YIPF1: variants seen among roughly 807,000 people sequenced by gnomAD.
The protein encoded by YIPF1 is protein YIPF1.
In YIPF1, 22 loss-of-function variants were observed where a neutral mutation model predicts 37.0. That is an observed-to-expected ratio of 0.59 (90% CI 0.42 to 0.85). YIPF1 has a LOEUF of 0.85. Among genes scored for constraint, YIPF1 ranks in the 40% least tolerant of loss-of-function variants. The probability of loss-of-function intolerance (pLI) is 0.00; values close to 1 mark genes in which losing one functional copy is unlikely to be tolerated. For synonymous variants in YIPF1, 128 were observed against 131.9 expected (o/e 0.97, Z 0.21); for missense variants, 355 against 373.1 (o/e 0.95, Z 0.40).
chr1:53,859,539 C>T (rs553528281), intron 10 of YIPF1, among the ~76,000 whole-genome samples: 1 of 152,232 alleles, frequency 6.6e-6, no homozygotes, highest in East Asian at 1.9e-4. Context: ...GTGGCACCCA[C>T]CTGTAATCCC....
At chr1:53,872,992 A>G (rs558084601) in intron 6 of YIPF1, among the ~76,000 whole-genome samples, 2 of 152,208 alleles carry the variant, frequency 1.3e-5, no homozygotes, top group African/African-American at 2.4e-5. Context: ...GAATGAATAA[A>G]TCTGACCATG....
chr1:53,883,386 C>A (rs1299650474), intron 3 of YIPF1, 110 bp from the exon 4 acceptor site: 2 of 1,221,866 alleles, frequency 1.6e-6, no homozygotes, highest in Non-Finnish European at 2.1e-6. Context: ...ATAGACCCTA[C>A]CTGATACAAA....
intron 2 of YIPF1, 119 bp downstream of exon 2, chr1:53,889,125 C>CAGGTATTATTAAATATTAA (rs1650735130): frequency 8.3e-6 from 4 of 479,140 alleles, no homozygotes; most frequent in Non-Finnish European, 1.5e-5. Flanking sequence ...AAGATAACCA[C>CAGGTATTATTAAATATTAA]TAAGCATCAG....
chr1:53,881,625 T>C (rs894909753), intron 4 of YIPF1, among the ~76,000 whole-genome samples: 9 of 152,088 alleles, frequency 5.9e-5, no homozygotes, highest in Non-Finnish European at 1.0e-4. Flanking sequence ...CTCAATATCT[T>C]GATTTGAGAA....
chr1:53,888,343 T>C (rs1352885869), intron 3 of YIPF1, among the ~76,000 whole-genome samples: 1 of 152,204 alleles, frequency 6.6e-6, no homozygotes, highest in Non-Finnish European at 1.5e-5. Flanking sequence ...AGTTTGTAGG[T>C]ATATATTTAA....
At chr1:53,860,983 C>A (rs980661573) in intron 9 of YIPF1, among the ~76,000 whole-genome samples, 2 of 152,142 alleles carry the variant, frequency 1.3e-5, no homozygotes, top group Non-Finnish European at 2.9e-5. Flanking sequence ...TTCATGATAC[C>A]CCCTTGGGGT....
At position 53,889,230 on chromosome 1, in the gene YIPF1, G is replaced by T. The variant is rs1650737615; in HGVS notation, c.-50+14C>A. Reference sequence around the variant, plus strand: ...ATTTGGTTGTGTATGTACCAGGAATGAATCTCAACTCACTGTGTGAATGTT... The same window carrying T: ...ATTTGGTTGTGTATGTACCAGGAATTAATCTCAACTCACTGTGTGAATGTT... On this transcript the variant is annotated intron_variant, in intron 2 of 10. Coordinates refer to ENST00000072644, the MANE Select transcript of YIPF1 (RefSeq NM_018982.5). The T allele has an allele frequency of 3.1e-6, 1 of 326,700 alleles. No homozygotes were observed. Among genetic ancestry groups the T allele is most frequent in the Non-Finnish European group, 5.8e-6 (1 of 172,536 alleles). 20.2% of individuals were successfully genotyped at this position (326,700 alleles called of 1,614,324 possible).
At chr1:53,853,395 T>C (rs1248316750) in intron 10 of YIPF1, among the ~76,000 whole-genome samples, 1 of 152,120 alleles carries the variant, frequency 6.6e-6, no homozygotes, top group Non-Finnish European at 1.5e-5. Context: ...GGGATGAGTA[T>C]AGCTTGGAAT....
At chr1:53,857,858 G>A (rs1377804810) in intron 10 of YIPF1, among the ~76,000 whole-genome samples, 1 of 151,830 alleles carries the variant, frequency 6.6e-6, no homozygotes, top group Non-Finnish European at 1.5e-5. Context: ...ACGGGCACCT[G>A]TAATCTCAGC....
intron 9 of YIPF1, among the ~76,000 whole-genome samples, chr1:53,864,889 T>C (rs1213980618): frequency 1.3e-5 from 2 of 152,172 alleles, no homozygotes; most frequent in Non-Finnish European, 2.9e-5. Flanking sequence ...TTTATTTGCC[T>C]CTCAGAACAA....
At chr1:53,872,402 T>C (rs1181723543) in intron 6 of YIPF1, among the ~76,000 whole-genome samples, 1 of 152,232 alleles carries the variant, frequency 6.6e-6, no homozygotes. Flanking sequence ...GGTGAGTCTA[T>C]CACAGCTACT....
At position 53,878,385 on chromosome 1, in the gene YIPF1, T is replaced by C; in HGVS notation, c.294A>G (p.Lys98=). The change falls in exon 6 of 11, where the codon AAA becomes AAG. Residue 98 remains lysine, a synonymous_variant. Coordinates refer to ENST00000072644, the MANE Select transcript of YIPF1 (RefSeq NM_018982.5). The part of the protein sequence containing the change: ...VDTYQVFDRI[K]GSLLPIPGKN... ...TCCCGGGTATTGGCAAAAGAGATCC[T>C]TTAATTCTGTCAAAGACCTGGAAAA... 1 of 1,614,142 alleles carries C rather than the reference T, an allele frequency of 6.2e-7. No homozygotes were observed. The highest frequency in any genetic ancestry group is 2.2e-5 in the East Asian group (1 of 44,874).
intron 3 of YIPF1, among the ~76,000 whole-genome samples, chr1:53,887,951 G>C (rs1650698342): frequency 6.6e-6 from 1 of 152,238 alleles, no homozygotes; most frequent in African/African-American, 2.4e-5. Flanking sequence ...AAGTGGGCCA[G>C]GCCTGGTGGT....
chr1:53,865,642 C>T (rs1569614328), intron 9 of YIPF1, among the ~76,000 whole-genome samples: 1 of 152,140 alleles, frequency 6.6e-6, no homozygotes, highest in East Asian at 1.9e-4. Context: ...CACTCATCCA[C>T]ACCTATTTCC....
Position 53,852,063 on chromosome 1 carries a change from T to C in YIPF1, c.*216A>G, listed in dbSNP as rs1044902440. 1 of 152,184 alleles carries C rather than the reference T, an allele frequency of 6.6e-6. No individual in the cohort carries two copies. Among genetic ancestry groups the C allele is most frequent in the African/African-American group, 2.4e-5 (1 of 41,432 alleles). 9.4% of individuals were successfully genotyped at this position (152,184 alleles called of 1,614,324 possible). A position where few individuals can be genotyped will look rare whatever the true frequency, so the allele number is the denominator to read the frequency against. On this transcript the variant is annotated 3_prime_UTR_variant, in exon 11 of 11. Transcript: ENST00000072644. ...AATCAGCGCATGCTCGCAATGATCA[T>C]CCATGGGTGAAAAGGAAGAGCTGAA...
At position 53,866,664 on chromosome 1, in the gene YIPF1, G is replaced by C. The variant is rs59740572; in HGVS notation, c.648+94C>G. ...TTTTTCAGAAGAACATGAGTATTGC[G>C]CTGGAAATAATGATGGTAGGTCAAA... On this transcript the variant is annotated intron_variant, in intron 8 of 10. Coordinates refer to ENST00000072644, the MANE Select transcript of YIPF1 (RefSeq NM_018982.5). 6 of 1,420,082 alleles carry C rather than the reference G, an allele frequency of 4.2e-6. No individual in the cohort carries two copies. The South Asian group carries it at 8.4e-5, about 20-fold the overall frequency. The allele number at this position is 1,420,082 out of a possible 1,614,324, so 88.0% of individuals were successfully genotyped here.
chr1:53,882,565 C>T (rs1319873831), intron 4 of YIPF1, among the ~76,000 whole-genome samples: 1 of 152,010 alleles, frequency 6.6e-6, no homozygotes, highest in Non-Finnish European at 1.5e-5. Context: ...TCAAGCAATC[C>T]TCCCACCTTA....
At chr1:53,878,163 A>G in intron 6 of YIPF1, 152 bp downstream of exon 6, 1 of 707,372 alleles carries the variant, frequency 1.4e-6, no homozygotes, top group Non-Finnish European at 2.4e-6. Context: ...TATTCCTCCA[A>G]AATTACTTGC....
chr1:53,856,892 A>G (rs1012561128), intron 10 of YIPF1, among the ~76,000 whole-genome samples: 1 of 152,188 alleles, frequency 6.6e-6, no homozygotes, highest in Non-Finnish European at 1.5e-5. Context: ...CCTAGAAGGT[A>G]GGCAAGACCT....
Sources: allele counts gnomAD v4.1 joint callset (sites outside exome capture counted in the v4.1 genomes callset), GRCh38; gene constraint gnomAD v4.1.1; transcripts MANE v1.5; gene names NCBI Gene and HGNC (gene_info 2026-07-23, HGNC 2026-07-21).